ZNF462: variants seen among roughly 807,000 people sequenced by gnomAD.
ZNF462 encodes the protein zinc finger PBX1-interacting protein.
In ZNF462, 10 loss-of-function variants were observed where a neutral mutation model predicts 201.9. The ratio of observed to expected loss-of-function variants is 0.05; its 90% CI spans 0.03 to 0.08. ZNF462 has a LOEUF of 0.08. Ranked by LOEUF, ZNF462 falls within the 10% of genes least tolerant of loss-of-function variation. ZNF462 has a pLI of 1.00. For synonymous variants in ZNF462, 1,227 were observed against 1,193.3 expected, an observed-to-expected ratio of 1.03 and a Z score of -0.58; for missense variants, 2,523 against 3,168.3, an observed-to-expected ratio of 0.80 and a Z score of 4.89.
intron 9 of ZNF462, chr9:106,976,020 A>T (rs932943665): frequency 6.6e-6 from 1 of 152,248 alleles, no homozygotes; most frequent in African/African-American, 2.4e-5. Context: ...GAGACAAACT[A>T]TTTTTAAAAT....
intron 7 of ZNF462, among the ~76,000 whole-genome samples, chr9:106,961,654 A>G (rs1304942203): frequency 6.6e-6 from 1 of 152,052 alleles, no homozygotes; most frequent in Non-Finnish European, 1.5e-5. Flanking sequence ...GGATGCACAC[A>G]TGGATACATG....
rs1829209087 is a variant in ZNF462, at chr9:106,905,013, C to T, written c.-30-18341C>T. Among the ~76,000 whole-genome samples, 1 of 151,920 alleles carries T rather than the reference C, an allele frequency of 6.6e-6. No individual in the cohort carries two copies. The highest frequency in any genetic ancestry group is 1.5e-5 in the Non-Finnish European group (1 of 67,996). On this transcript the variant is annotated intron_variant, in intron 1 of 12. Coordinates refer to ENST00000277225, the MANE Select transcript of ZNF462 (RefSeq NM_021224.6). This position sits in a 1 kb window ranked among gnomAD's most constrained non-coding sequence, Gnocchi z 5.9. ...TGAAGAGCCTTGTTTTGTCATATTA[C>T]CAGGGTTGGTTTTCTGGTTTCTTCT...
intron 1 of ZNF462, among the ~76,000 whole-genome samples, chr9:106,921,827 G>A (rs1472031824): frequency 2.0e-5 from 3 of 152,168 alleles, no homozygotes; most frequent in African/African-American, 7.2e-5. Context: ...ACACAATTTG[G>A]GTTGGTGCTT....
intron 10 of ZNF462, among the ~76,000 whole-genome samples, chr9:106,990,052 G>T (rs1828149464): frequency 6.6e-6 from 1 of 151,680 alleles, no homozygotes; most frequent in South Asian, 2.1e-4. Context: ...ATTTAGTTCT[G>T]CTCTGATCTT....
chr9:106,883,756 CCTT>C lies in ZNF462; in HGVS notation c.-31+20404_-31+20406del. ...ATTGAGGCTCCTTTGGCTTATTTAT[CCTT>C]CTACCTGGAATCAGCAGCCCTGGCT... On this transcript the variant is annotated intron_variant, in intron 1 of 12. Transcript: ENST00000277225. The surrounding 1 kb of genome is among the most constrained non-coding windows in gnomAD (Gnocchi z 4.9). 6.6e-6 allele frequency among the ~76,000 whole-genome samples: 1 copy of C among 152,270 alleles called. No individual in the cohort carries two copies. The highest frequency in any genetic ancestry group is 2.4e-5 in the African/African-American group (1 of 41,540).
chr9:106,989,739 G>A (rs750360998), intron 10 of ZNF462, among the ~76,000 whole-genome samples: 3 of 152,118 alleles, frequency 2.0e-5, no homozygotes, highest in Admixed American at 6.5e-5. Context: ...TCTGTTCAGG[G>A]TATCTAATTC....
rs1160431906 is a variant in ZNF462 at position 106,880,953 on chromosome 9, G to A, written c.-31+17598G>A. 6.6e-6 allele frequency among the ~76,000 whole-genome samples: 1 copy of A among 152,170 alleles called. No individual in the cohort carries two copies. Among genetic ancestry groups the A allele is most frequent in the African/African-American group, 2.4e-5 (1 of 41,446 alleles). Reference sequence around the variant, plus strand: ...GATTCCTACAAAACAATATTGGCAGGTTTTCAAGGAGCCAGCCTGTCTCAG... The same window carrying A: ...GATTCCTACAAAACAATATTGGCAGATTTTCAAGGAGCCAGCCTGTCTCAG... On this transcript the variant is annotated intron_variant, in intron 1 of 12. Transcript: ENST00000277225. This position sits in a 1 kb window ranked among gnomAD's most constrained non-coding sequence, Gnocchi z 4.1.
chr9:106,972,196 A>G lies in ZNF462; in HGVS notation c.6619A>G (p.Arg2207Gly). The G allele has an allele frequency of 6.2e-7, 1 of 1,614,248 alleles. No individual in the cohort carries two copies. The highest frequency in any genetic ancestry group is 8.5e-7 in the Non-Finnish European group (1 of 1,180,048). Residue 2207 changes from arginine to glycine, a missense_variant, in exon 8 of 13, where the codon AGG becomes GGG. By Grantham distance (125) the Arg-to-Gly change is moderately radical. This residue lies in a region of ZNF462 where 228 missense variants were observed against 361.2 expected (regional missense o/e 0.63). Coordinates refer to ENST00000277225, the MANE Select transcript of ZNF462 (RefSeq NM_021224.6). The surrounding 1 kb of genome is among the most constrained non-coding windows in gnomAD (Gnocchi z 4.8). ...EFSSGYIQSI[R>G]RHYRDKHGGK... ...CTCCTCCGGCTACATCCAGAGCATC[A>G]GGCGTCATTACCGGGACAAGCATGG...
At position 106,948,698 on chromosome 9, in the gene ZNF462, A is replaced by G. The variant is rs576574718; in HGVS notation, c.6427+9591A>G. Among the ~76,000 whole-genome samples, 42 of 152,028 alleles carry G rather than the reference A, an allele frequency of 2.8e-4. No individual in the cohort carries two copies. The Middle Eastern group carries it at 0.014, about 50-fold the overall frequency. The stretch of plus-strand genomic sequence containing the variant: ...TCTTCAAAACTGAACCGTACTACAC[A>G]AACTATTTTTCTTTCATGTGTTTTT... On this transcript the variant is annotated intron_variant, in intron 7 of 12. Coordinates refer to ENST00000277225, the MANE Select transcript of ZNF462 (RefSeq NM_021224.6).
Position 106,926,957 on chromosome 9 carries a change from A to G in ZNF462, c.3045A>G (p.Glu1015=). The change falls in exon 3 of 13, where the codon GAA becomes GAG. Residue 1015 remains glutamate (E), a synonymous_variant. Coordinates refer to ENST00000277225, the MANE Select transcript of ZNF462 (RefSeq NM_021224.6). This position sits in a 1 kb window ranked among gnomAD's most constrained non-coding sequence, Gnocchi z 7.9. ...NKNTPKTFTP[E]CENQKDPLVN... is the part of the protein sequence containing the mutation. ...ACACTCCTAAGACCTTTACTCCTGAATGTGAAAATCAGAAGGACCCTTTGG... is the reference window on the plus strand; with the variant it reads ...ACACTCCTAAGACCTTTACTCCTGAGTGTGAAAATCAGAAGGACCCTTTGG... 2 of 1,614,138 alleles carry G rather than the reference A, an allele frequency of 1.2e-6. No individual in the cohort carries two copies. The highest frequency in any genetic ancestry group is 1.7e-6 in the Non-Finnish European group (2 of 1,180,032).
chr9:107,002,133 TG>T (rs1430152069), intron 10 of ZNF462, among the ~76,000 whole-genome samples: 2 of 152,164 alleles, frequency 1.3e-5, no homozygotes, highest in African/African-American at 4.8e-5. Flanking sequence ...GGAATTGTCT[TG>T]TAAATTATCT....
intron 7 of ZNF462, among the ~76,000 whole-genome samples, chr9:106,948,651 ATTTAG>A (rs935147093): frequency 6.6e-6 from 1 of 150,626 alleles, no homozygotes; most frequent in African/African-American, 2.5e-5. Flanking sequence ...ATAGGTTGTC[ATTTAG>A]TTTAGTTTTT....
Position 106,890,677 on chromosome 9 carries a change from G to T in ZNF462, c.-31+27322G>T, listed in dbSNP as rs983125600. ...CCTAGGGTCAGAGGGCATATGCTCT[G>T]ATATGGAATTTTGGAGGTCATTCCC... On this transcript the variant is annotated intron_variant, in intron 1 of 12. Transcript: ENST00000277225. The surrounding 1 kb of genome is among the most constrained non-coding windows in gnomAD (Gnocchi z 4.2). Among the ~76,000 whole-genome samples the T allele has an allele frequency of 6.6e-6, 1 of 152,174 alleles. No individual in the cohort carries two copies. Among genetic ancestry groups the T allele is most frequent in the Non-Finnish European group, 1.5e-5 (1 of 68,030 alleles).
At chr9:106,946,447 T>A (rs769602801) in intron 7 of ZNF462, among the ~76,000 whole-genome samples, 2 of 152,174 alleles carry the variant, frequency 1.3e-5, no homozygotes, top group Non-Finnish European at 2.9e-5. Flanking sequence ...CCAATTTTAC[T>A]TGAGATAAAA....
At position 106,876,275 on chromosome 9, in the gene ZNF462, T is replaced by C. The variant is rs1234180498; in HGVS notation, c.-31+12920T>C. 6.6e-6 allele frequency among the ~76,000 whole-genome samples: 1 copy of C among 152,174 alleles called. No homozygotes were observed. Among genetic ancestry groups the C allele is most frequent in the African/African-American group, 2.4e-5 (1 of 41,440 alleles). ...CTAACATAAGGATTAAAAAATAATATGTGTCTAAGAGTCCTGGCTCATAAT... is the reference window on the plus strand; with the variant it reads ...CTAACATAAGGATTAAAAAATAATACGTGTCTAAGAGTCCTGGCTCATAAT... On this transcript the variant is annotated intron_variant, in intron 1 of 12. Transcript: ENST00000277225. The surrounding 1 kb of genome is among the most constrained non-coding windows in gnomAD (Gnocchi z 4.9).
rs535330627 is a variant in ZNF462 at position 107,008,751 on chromosome 9, C to T, written c.7190-794C>T. Among the ~76,000 whole-genome samples the T allele has an allele frequency of 5.9e-5, 9 of 152,270 alleles. No homozygotes were observed. In the East Asian group the frequency reaches 1.7e-3, roughly 29 times the overall value. ...ACATTTATCAGACTTCTACCATGTG[C>T]CTAGTACCATGGAGGAAACAAAACA... On this transcript the variant is annotated intron_variant, in intron 11 of 12. Coordinates refer to ENST00000277225, the MANE Select transcript of ZNF462 (RefSeq NM_021224.6). The surrounding 1 kb of genome is among the most constrained non-coding windows in gnomAD (Gnocchi z 4.8).
chr9:106,926,824 A>G lies in ZNF462; in HGVS notation c.2912A>G (p.Asn971Ser). 6.2e-7 allele frequency: 1 copy of G among 1,614,212 alleles called. No homozygotes were observed. The highest frequency in any genetic ancestry group is 1.1e-5 in the South Asian group (1 of 91,082). The change falls in exon 3 of 13, where the codon AAT becomes AGT. Residue 971 changes from asparagine (N) to serine (S), a missense_variant. Transcript: ENST00000277225. The surrounding 1 kb of genome is among the most constrained non-coding windows in gnomAD (Gnocchi z 7.9). The part of the protein sequence containing the change: ...SYVVEQQEGL[N>S]TESQTLREIL... ...GTCGTGGAGCAGCAGGAAGGGCTGA[A>G]TACAGAATCCCAGACCCTGAGGGAG...
chr9:106,998,750 G>A (rs763172850), intron 10 of ZNF462, among the ~76,000 whole-genome samples: 5 of 152,020 alleles, frequency 3.3e-5, no homozygotes, highest in Non-Finnish European at 5.9e-5. Flanking sequence ...TGGGATTACA[G>A]GTACCCGCCC....
intron 1 of ZNF462, among the ~76,000 whole-genome samples, chr9:106,864,039 G>GCTCGCGCTCTCTCTCT: frequency 4.4e-5 from 1 of 22,760 alleles, no homozygotes; most frequent in Non-Finnish European, 1.0e-4. Flanking sequence ...CAGGTATTTG[G>GCTCGCGCTCTCTCTCT]CTCTCTCTCT....
Sources: gnomAD v4.1 joint callset for allele counts (sites outside exome capture counted in the v4.1 genomes callset) on GRCh38, gnomAD v4.1.1 for gene constraint, gnomAD v4.1.1 regional missense constraint, Gnocchi (gnomAD v3.1) non-coding constraint, MANE v1.5 for transcripts, NCBI Gene and HGNC (gene_info 2026-07-23, HGNC 2026-07-21) for gene names.